The following DLGAP4 variants were observed in gnomAD, a reference collection of about 807,000 sequenced individuals.
The protein encoded by DLGAP4 is DLG associated protein 4.
DLGAP4 carries 18 observed loss-of-function variants against 86.9 expected under a neutral mutation model. The ratio of observed to expected loss-of-function variants is 0.21; its 90% CI spans 0.14 to 0.31. The LOEUF (loss-of-function observed/expected upper bound fraction) is 0.31, where lower values mean the gene tolerates loss of function less well. Among genes scored for constraint, DLGAP4 ranks in the 10% least tolerant of loss-of-function variants. The pLI is 1.00. For synonymous variants in DLGAP4, 548 were observed against 574.3 expected (o/e 0.95, Z 0.65); for missense variants, 1,085 against 1,362.6 (o/e 0.80, Z 3.21).
Position 36,432,657 on chromosome 20 carries a change from G to C in DLGAP4, c.940G>C (p.Asp314His). 1 of 1,613,448 alleles carries C rather than the reference G, an allele frequency of 6.2e-7. No individual in the cohort carries two copies. The highest frequency in any genetic ancestry group is 8.5e-7 in the Non-Finnish European group (1 of 1,179,796). The change falls in exon 3 of 13, where the codon GAT (aspartate) becomes CAT (histidine). Residue 314 changes from aspartate (D) to histidine (H), a missense_variant. By Grantham distance (81) the Asp-to-His change is moderately conservative. Around this residue, in one of 2 missense-constraint regions of DLGAP4, gnomAD observed 1,082 missense variants for 1,344.1 expected, o/e 0.81. Transcript: ENST00000339266. This position sits in a 1 kb window ranked among gnomAD's most constrained non-coding sequence, Gnocchi z 6.5. ...CTGCCAGAAGACCTCAGCCACCTTGGATAAGAGCCTGCTCAAGTCCAAATC... is the reference window on the plus strand; with the variant it reads ...CTGCCAGAAGACCTCAGCCACCTTGCATAAGAGCCTGCTCAAGTCCAAATC... The part of the protein sequence containing the change: ...EVCQKTSATL[D>H]KSLLKSKSCH...
chr20:36,490,030 TGTATTTTTA>T (rs2035593518), intron 7 of DLGAP4, among the ~76,000 whole-genome samples: 1 of 151,890 alleles, frequency 6.6e-6, no homozygotes. Flanking sequence ...GGCTATTTTT[TGTATTTTTA>T]GTAGAGATGG....
chr20:36,343,851 G>A (rs950291800), intron 1 of DLGAP4, among the ~76,000 whole-genome samples: 9 of 152,220 alleles, frequency 5.9e-5, no homozygotes, highest in African/African-American at 1.7e-4. Context: ...GGTGGGCCCC[G>A]AGTGGCTGCT....
At chr20:36,353,171 C>T (rs920579578) in intron 1 of DLGAP4, among the ~76,000 whole-genome samples, 1 of 152,148 alleles carries the variant, frequency 6.6e-6, no homozygotes, top group African/African-American at 2.4e-5. Flanking sequence ...GGGTACCCGA[C>T]GAGCTCAGAG....
At chr20:36,411,871 T>C (rs532555122) in intron 2 of DLGAP4, among the ~76,000 whole-genome samples, 136 of 152,342 alleles carry the variant, frequency 8.9e-4, no homozygotes, top group Non-Finnish European at 1.5e-3. Flanking sequence ...CGCTCTTCCC[T>C]GTACCTTTGT....
chr20:36,431,550 G>A lies in DLGAP4; in HGVS notation c.-72-96G>A. The A allele has an allele frequency of 1.4e-6, 1 of 731,836 alleles. No homozygotes were observed. Among genetic ancestry groups the A allele is most frequent in the South Asian group, 2.0e-5 (1 of 50,798 alleles). The allele number at this position is 731,836 out of a possible 1,614,324, so 45.3% of individuals were successfully genotyped here. A position where few individuals can be genotyped will look rare whatever the true frequency, so the allele number is the denominator to read the frequency against. ...CACAACATTGAGGACTGGCTTCAGA[G>A]ATCCTCCCAGCCTTGCGATCTGGAT... On this transcript the variant is annotated intron_variant, in intron 2 of 12. Transcript: ENST00000339266. This position sits in a 1 kb window ranked among gnomAD's most constrained non-coding sequence, Gnocchi z 5.1.
chr20:36,318,526 C>G (rs1223027724), intron 1 of DLGAP4, among the ~76,000 whole-genome samples: 1 of 152,206 alleles, frequency 6.6e-6, no homozygotes, highest in Non-Finnish European at 1.5e-5. Context: ...GGGTGCACCA[C>G]TGGACCTGGC....
At chr20:36,338,681 C>T (rs148055055) in intron 1 of DLGAP4, among the ~76,000 whole-genome samples, 29 of 152,354 alleles carry the variant, frequency 1.9e-4, no homozygotes, top group Non-Finnish European at 3.7e-4. Context: ...GGGGAGCCGT[C>T]GGTCCAGTAG....
At chr20:36,420,179 A>T (rs943010430) in intron 2 of DLGAP4, among the ~76,000 whole-genome samples, 2 of 152,160 alleles carry the variant, frequency 1.3e-5, no homozygotes, top group African/African-American at 2.4e-5. Context: ...TCTTTCATTC[A>T]ACACAATCTT....
chr20:36,349,104 C>CAAAAAAA lies in DLGAP4; in HGVS notation c.-303-17914_-303-17908dup, dbSNP rs539585564. Among the ~76,000 whole-genome samples the CAAAAAAA allele has an allele frequency of 3.0e-4, 12 of 39,898 alleles. 1 individual carries two copies. The highest frequency in any genetic ancestry group is 3.6e-4 in the Non-Finnish European group (10 of 27,588). 26.2% of individuals were successfully genotyped at this position (39,898 alleles called of 152,430 possible). Reference sequence around the variant, plus strand: ...GGCGTGACAGAACAAGACTCCATCTCAAAAAAAAAAAAAAAAAAAAAAAAA... The same window carrying CAAAAAAA: ...GGCGTGACAGAACAAGACTCCATCTCAAAAAAAAAAAAAAAAAAAAAAAAAAAAAAAA... On this transcript the variant is annotated intron_variant, in intron 1 of 12. Coordinates refer to ENST00000339266, the MANE Select transcript of DLGAP4 (RefSeq NM_001365621.2).
At chr20:36,373,233 A>C (rs2031013241) in intron 2 of DLGAP4, among the ~76,000 whole-genome samples, 1 of 152,216 alleles carries the variant, frequency 6.6e-6, no homozygotes, top group Non-Finnish European at 1.5e-5. Context: ...GTAACTGTAA[A>C]GTTCAGAGGT....
At chr20:36,419,020 G>A (rs1424731691) in intron 2 of DLGAP4, among the ~76,000 whole-genome samples, 2 of 152,018 alleles carry the variant, frequency 1.3e-5, no homozygotes, top group Non-Finnish European at 2.9e-5. Context: ...CATACCCAGC[G>A]CCACCCCCTT....
chr20:36,484,188 G>A (rs1362338775), intron 7 of DLGAP4, among the ~76,000 whole-genome samples: 2 of 152,154 alleles, frequency 1.3e-5, no homozygotes, highest in African/African-American at 4.8e-5. Context: ...GGTAGGCCTG[G>A]TGAAGAGTTG....
At chr20:36,492,826 C>A (rs567140820) in intron 7 of DLGAP4, 3 of 152,288 alleles carry the variant, frequency 2.0e-5, no homozygotes, top group East Asian at 3.9e-4. Flanking sequence ...GGGCAAAAAA[C>A]CCCATTTGTT....
chr20:36,496,163 C>T (rs1260955369), intron 7 of DLGAP4, among the ~76,000 whole-genome samples: 1 of 152,066 alleles, frequency 6.6e-6, no homozygotes, highest in Non-Finnish European at 1.5e-5. Flanking sequence ...TGAGCCACTG[C>T]GCCCGGCCAG....
intron 1 of DLGAP4, among the ~76,000 whole-genome samples, chr20:36,357,711 A>G (rs1264760106): frequency 6.6e-6 from 1 of 152,218 alleles, no homozygotes; most frequent in Non-Finnish European, 1.5e-5. Flanking sequence ...CGAGAAAAGA[A>G]AAGTAGGGCA....
rs1212481817 is a variant in DLGAP4, at chr20:36,314,316, C to T, written c.-304+7804C>T. On this transcript the variant is annotated intron_variant, in intron 1 of 12. Transcript: ENST00000339266. Reference sequence around the variant, plus strand: ...AGGGCTGGCCTCGGGGTCCTTCCCACTCCCTGTGTGTGTGCGTGTGTGTGT... The same window carrying T: ...AGGGCTGGCCTCGGGGTCCTTCCCATTCCCTGTGTGTGTGCGTGTGTGTGT... Among the ~76,000 whole-genome samples, 14 of 144,522 alleles carry T rather than the reference C, an allele frequency of 9.7e-5. No individual in the cohort carries two copies. In the East Asian group the frequency reaches 2.9e-3, roughly 30 times the overall value. 94.8% of individuals were successfully genotyped at this position (144,522 alleles called of 152,430 possible). A position where few individuals can be genotyped will look rare whatever the true frequency, so the allele number is the denominator to read the frequency against.
rs1199254932 is a variant in DLGAP4, at chr20:36,398,778, C to T, written c.-73+31503C>T. Among the ~76,000 whole-genome samples, 5 of 152,334 alleles carry T rather than the reference C, an allele frequency of 3.3e-5. No individual in the cohort carries two copies. The East Asian group carries it at 9.6e-4, about 29-fold the overall frequency. ...GGTAGAGTCAGGATTGGAAGTCAGC[C>T]AGATACAGTCTGACTCTGGCTCCCA... On this transcript the variant is annotated intron_variant, in intron 2 of 12. Transcript: ENST00000339266.
At chr20:36,463,789 C>G (rs776225824) in intron 7 of DLGAP4, among the ~76,000 whole-genome samples, 1 of 152,114 alleles carries the variant, frequency 6.6e-6, no homozygotes, top group Non-Finnish European at 1.5e-5. Context: ...AGACCTCAGC[C>G]GAGAGAGGTT....
intron 7 of DLGAP4, among the ~76,000 whole-genome samples, chr20:36,485,422 GGCA>G (rs1216654184): frequency 6.6e-6 from 1 of 151,788 alleles, no homozygotes; most frequent in African/African-American, 2.4e-5. Flanking sequence ...TGGTACATTT[GGCA>G]GCTCTGACAA....
Sources: allele counts gnomAD v4.1 joint callset (sites outside exome capture counted in the v4.1 genomes callset), GRCh38; gene constraint gnomAD v4.1.1; regional missense constraint gnomAD v4.1.1; non-coding constraint Gnocchi (gnomAD v3.1); transcripts MANE v1.5; gene names NCBI Gene and HGNC (gene_info 2026-07-23, HGNC 2026-07-21).